The following DAB1 variants were observed in gnomAD, a reference collection of about 807,000 sequenced individuals.
DAB1 encodes disabled homolog 1.
Under a neutral mutation model 64.6 loss-of-function variants are expected in DAB1, and 15 were observed. That is an observed-to-expected ratio of 0.23 (90% CI 0.16 to 0.36). The LOEUF is 0.36. Ranked by LOEUF, DAB1 falls within the 10% of genes least tolerant of loss-of-function variation. The pLI is 1.00. For synonymous variants in DAB1, 235 were observed against 251.9 expected (o/e 0.93, Z 0.64); for missense variants, 596 against 706.7 (o/e 0.84, Z 1.78).
At chr1:58,378,935 C>T (rs1439430905) in intron 3 of DAB1, among the ~76,000 whole-genome samples, 27 of 95,800 alleles carry the variant, frequency 2.8e-4, no homozygotes, top group African/African-American at 1.7e-3. Context: ...TGGGAGTGAC[C>T]CGATTTTCCA....
At chr1:57,226,672 A>AAAAAATATATATATATATATATAT (rs747021990) in intron 2 of DAB1, among the ~76,000 whole-genome samples, 15 of 135,988 alleles carry the variant, frequency 1.1e-4, no homozygotes, top group African/African-American at 4.6e-4. Flanking sequence ...TTAAAAAAAA[A>AAAAAATATATATATATATATATAT]ATATATATAT....
At chr1:57,193,540 C>G (rs1176828496) in intron 2 of DAB1, among the ~76,000 whole-genome samples, 1 of 151,908 alleles carries the variant, frequency 6.6e-6, no homozygotes, top group Non-Finnish European at 1.5e-5. Flanking sequence ...GCGCCCGCCA[C>G]TATGCCCAGC....
intron 2 of DAB1, among the ~76,000 whole-genome samples, chr1:57,281,154 T>C (rs1348952024): frequency 2.0e-5 from 3 of 152,126 alleles, no homozygotes; most frequent in African/African-American, 7.2e-5. Context: ...AGAACTAAAG[T>C]GGCTGAAAAA....
At chr1:57,255,579 G>A (rs1277575886) in intron 2 of DAB1, among the ~76,000 whole-genome samples, 1 of 152,100 alleles carries the variant, frequency 6.6e-6, no homozygotes, top group African/African-American at 2.4e-5. Flanking sequence ...AGAATCACCT[G>A]AGCCAGGAGG....
At chr1:58,116,837 A>G (rs1448160787) in intron 5 of DAB1, among the ~76,000 whole-genome samples, 1 of 152,238 alleles carries the variant, frequency 6.6e-6, no homozygotes, top group Non-Finnish European at 1.5e-5. Context: ...TGCCAGGGCA[A>G]AAAAGAAAAT....
At chr1:57,484,555 G>C (rs1244821694) in intron 7 of DAB1, among the ~76,000 whole-genome samples, 1 of 152,218 alleles carries the variant, frequency 6.6e-6, no homozygotes, top group African/African-American at 2.4e-5. Flanking sequence ...GTAGGGAGGA[G>C]ACCAGGGAGG....
At chr1:57,290,450 TC>T (rs1334579978) in intron 2 of DAB1, among the ~76,000 whole-genome samples, 1 of 152,102 alleles carries the variant, frequency 6.6e-6, no homozygotes, top group African/African-American at 2.4e-5. Flanking sequence ...TATCAAGCCC[TC>T]CCAGTGATTC....
At chr1:58,080,959 G>C (rs1282360865) in intron 5 of DAB1, among the ~76,000 whole-genome samples, 1 of 152,166 alleles carries the variant, frequency 6.6e-6, no homozygotes, top group East Asian at 1.9e-4. Flanking sequence ...ACATGCCAAG[G>C]ACATTGAGCT....
chr1:57,442,742 T>C (rs1686001732), intron 7 of DAB1, among the ~76,000 whole-genome samples: 1 of 152,240 alleles, frequency 6.6e-6, no homozygotes, highest in South Asian at 2.1e-4. Context: ...TCCCTGGGCA[T>C]TCCCCATGGA....
At chr1:57,267,002 T>C (rs772384757) in intron 2 of DAB1, among the ~76,000 whole-genome samples, 2 of 152,132 alleles carry the variant, frequency 1.3e-5, no homozygotes, top group Admixed American at 6.5e-5. Context: ...AAAAAGGTAC[T>C]GTCATGTCCT....
At chr1:57,012,491 C>G (rs1646295347) in intron 12 of DAB1, among the ~76,000 whole-genome samples, 1 of 152,196 alleles carries the variant, frequency 6.6e-6, no homozygotes, top group South Asian at 2.1e-4. Context: ...CTCTGTCTGA[C>G]ACTATCCAGT....
intron 6 of DAB1, among the ~76,000 whole-genome samples, chr1:57,690,761 A>G (rs960653534): frequency 6.6e-6 from 1 of 152,202 alleles, no homozygotes; most frequent in African/African-American, 2.4e-5. Flanking sequence ...CATTCCCACC[A>G]ACAGTGTGTG....
chr1:57,056,959 G>C (rs1649837116), intron 9 of DAB1, among the ~76,000 whole-genome samples: 1 of 152,252 alleles, frequency 6.6e-6, no homozygotes, highest in East Asian at 1.9e-4. Context: ...CATTTTAACT[G>C]GATCTTGAAT....
chr1:57,137,526 T>C (rs561164516), intron 3 of DAB1, among the ~76,000 whole-genome samples: 2 of 152,274 alleles, frequency 1.3e-5, no homozygotes, highest in African/African-American at 2.4e-5. Flanking sequence ...CAGGAAAGCA[T>C]GGGCTCCATA....
intron 5 of DAB1, among the ~76,000 whole-genome samples, chr1:57,953,817 G>A (rs1376304577): frequency 6.6e-6 from 1 of 152,050 alleles, no homozygotes; most frequent in East Asian, 1.9e-4. Context: ...CCTGTAATAA[G>A]GCCACATCCG....
chr1:57,167,975 T>C (rs1254255833), intron 2 of DAB1, among the ~76,000 whole-genome samples: 1 of 152,216 alleles, frequency 6.6e-6, no homozygotes, highest in African/African-American at 2.4e-5. Flanking sequence ...CTAGAAACAC[T>C]GGAGAGACTT....
At chr1:57,510,984 T>G (rs1644398805) in intron 7 of DAB1, among the ~76,000 whole-genome samples, 1 of 152,160 alleles carries the variant, frequency 6.6e-6, no homozygotes, top group African/African-American at 2.4e-5. Context: ...TTGAAATAAC[T>G]TCTTTCTCTT....
intron 5 of DAB1, among the ~76,000 whole-genome samples, chr1:58,022,275 G>T (rs1646825656): frequency 6.6e-6 from 1 of 152,184 alleles, no homozygotes; most frequent in African/African-American, 2.4e-5. Flanking sequence ...CAACTGACAG[G>T]TATCAGAAGC....
At chr1:56,998,865 T>C (rs1317173611) in intron 14 of DAB1, among the ~76,000 whole-genome samples, 1 of 152,114 alleles carries the variant, frequency 6.6e-6, no homozygotes, top group Non-Finnish European at 1.5e-5. Context: ...AATCCACACC[T>C]AGATAGGAAA....
Sources: gnomAD v4.1 joint callset for allele counts (sites outside exome capture counted in the v4.1 genomes callset) on GRCh38, gnomAD v4.1.1 for gene constraint, MANE v1.5 for transcripts, NCBI Gene and HGNC (gene_info 2026-07-23, HGNC 2026-07-21) for gene names.